The following GLDN variants were observed in gnomAD, a reference collection of about 807,000 sequenced individuals.
GLDN encodes the protein gliomedin.
In GLDN, 47 loss-of-function variants were observed where a neutral mutation model predicts 56.5. The ratio of observed to expected loss-of-function variants is 0.83; its 90% CI spans 0.66 to 1.06. The LOEUF (loss-of-function observed/expected upper bound fraction) is 1.06. Among genes scored for constraint, GLDN ranks in the 50% least tolerant of loss-of-function variants. The probability of loss-of-function intolerance (pLI) is 0.00; values close to 1 mark genes in which losing one functional copy is unlikely to be tolerated. For synonymous variants in GLDN, 332 were observed against 278.8 expected, an observed-to-expected ratio of 1.19 and a Z score of -1.90; for missense variants, 782 against 714.3, an observed-to-expected ratio of 1.09 and a Z score of -1.08.
chr15:51,367,767 G>C lies in GLDN; in HGVS notation c.364-9682G>C, dbSNP rs750432164. Among the ~76,000 whole-genome samples the C allele has an allele frequency of 1.2e-3, 177 of 152,138 alleles. 2 individuals carry two copies. Among genetic ancestry groups the C allele is most frequent in the Non-Finnish European group, 2.1e-3 (145 of 68,006 alleles). On this transcript the variant is annotated intron_variant, in intron 1 of 9. Coordinates refer to ENST00000335449, the MANE Select transcript of GLDN (RefSeq NM_181789.4). Reference sequence around the variant, plus strand: ...GCCTCCTTTACATATCAGCACCCCAGTGTCAGCCTGGCTGACCCAGCCCAG... The same window carrying C: ...GCCTCCTTTACATATCAGCACCCCACTGTCAGCCTGGCTGACCCAGCCCAG...
downstream of GLDN, among the ~76,000 whole-genome samples, chr15:51,410,012 C>A (rs1182863099): frequency 1.3e-5 from 2 of 152,218 alleles, no homozygotes; most frequent in Admixed American, 1.3e-4. Context: ...GGAGCAGATA[C>A]ACACGCCCAA....
At chr15:51,376,139 C>T (rs1004579344) in intron 1 of GLDN, among the ~76,000 whole-genome samples, 4 of 152,100 alleles carry the variant, frequency 2.6e-5, no homozygotes, top group African/African-American at 4.8e-5. Context: ...CTAAGAAATA[C>T]GTCATTAGGC....
At chr15:51,388,192 C>T (rs567697856) in intron 4 of GLDN, among the ~76,000 whole-genome samples, 9 of 152,314 alleles carry the variant, frequency 5.9e-5, no homozygotes, top group African/African-American at 2.2e-4. Flanking sequence ...TCTGTCACAT[C>T]CCCTGCTCTT....
chr15:51,343,503 A>G (rs1380129884), intron 1 of GLDN, among the ~76,000 whole-genome samples: 1 of 152,194 alleles, frequency 6.6e-6, no homozygotes, highest in Non-Finnish European at 1.5e-5. Context: ...AAGCTTTCGT[A>G]TCCGAATTGC....
chr15:51,385,471 A>C (rs997701421), intron 4 of GLDN: 1 of 152,260 alleles, frequency 6.6e-6, no homozygotes, highest in Non-Finnish European at 1.5e-5. Context: ...CTGGAGATTC[A>C]GAAATAAGCC....
rs766229043 is a variant in GLDN at position 51,397,606 on chromosome 15, C to T, written c.817+8C>T. The T allele has an allele frequency of 6.3e-7, 1 of 1,577,108 alleles. No homozygotes were observed. Among genetic ancestry groups the T allele is most frequent in the African/African-American group, 1.4e-5 (1 of 73,600 alleles). On this transcript the variant is annotated splice_region_variant and intron_variant, in intron 6 of 9. Coordinates refer to ENST00000335449, the MANE Select transcript of GLDN (RefSeq NM_181789.4). Reference sequence around the variant, plus strand: ...TCAACGGCCAGTGCCCAGGTCACCACCTCTCCCCTACGGGGCCCACCTCTT... The same window carrying T: ...TCAACGGCCAGTGCCCAGGTCACCATCTCTCCCCTACGGGGCCCACCTCTT...
At chr15:51,350,934 A>C (rs1398803022) in intron 1 of GLDN, among the ~76,000 whole-genome samples, 1 of 152,210 alleles carries the variant, frequency 6.6e-6, no homozygotes. Context: ...TATGCAAAGC[A>C]GCAGAGGTGA....
At chr15:51,377,909 G>C (rs902902123) in intron 2 of GLDN, among the ~76,000 whole-genome samples, 2 of 152,310 alleles carry the variant, frequency 1.3e-5, no homozygotes, top group Non-Finnish European at 2.9e-5. Context: ...CGGAGTGCTA[G>C]AGCAGTCCCC....
At chr15:51,357,502 T>G (rs1425040067) in intron 1 of GLDN, among the ~76,000 whole-genome samples, 2 of 152,192 alleles carry the variant, frequency 1.3e-5, no homozygotes, top group African/African-American at 4.8e-5. Flanking sequence ...AAGTGACAAG[T>G]GCAGCCATCT....
chr15:51,410,399 C>T (rs1312349303), downstream of GLDN, among the ~76,000 whole-genome samples: 2 of 152,174 alleles, frequency 1.3e-5, no homozygotes, highest in African/African-American at 4.8e-5. Flanking sequence ...CCCAAGGAAG[C>T]GCCTCATCAT....
At chr15:51,390,133 A>G (rs1595832235) in intron 4 of GLDN, among the ~76,000 whole-genome samples, 2 of 152,354 alleles carry the variant, frequency 1.3e-5, no homozygotes, top group South Asian at 2.1e-4. Flanking sequence ...TTTGTGCCAC[A>G]ATTTCCTCAT....
intron 1 of GLDN, among the ~76,000 whole-genome samples, chr15:51,357,469 C>T (rs988235151): frequency 6.6e-6 from 1 of 152,186 alleles, no homozygotes; most frequent in Non-Finnish European, 1.5e-5. Context: ...GAGGAAGACA[C>T]GAGGCACCTG....
At chr15:51,356,300 C>T (rs972693075) in intron 1 of GLDN, among the ~76,000 whole-genome samples, 1 of 152,042 alleles carries the variant, frequency 6.6e-6, no homozygotes, top group Non-Finnish European at 1.5e-5. Context: ...GATGGAGTCA[C>T]TCTGGTTAGA....
At chr15:51,366,794 C>T (rs1279597551) in intron 1 of GLDN, among the ~76,000 whole-genome samples, 1 of 151,966 alleles carries the variant, frequency 6.6e-6, no homozygotes, top group Non-Finnish European at 1.5e-5. Context: ...GACTGTGGTC[C>T]CAGCCACTCA....
At position 51,383,765 on chromosome 15, in the gene GLDN, G is replaced by A. The variant is rs755367451; in HGVS notation, c.434-20G>A. ...TTTTTTTTTTTTGGTTAATGTCCCTGTTTCTGTGTTTTGATGCAGGACCTC... is the reference window on the plus strand; with the variant it reads ...TTTTTTTTTTTTGGTTAATGTCCCTATTTCTGTGTTTTGATGCAGGACCTC... On this transcript the variant is annotated intron_variant, in intron 3 of 9. Transcript: ENST00000335449. 19 of 1,516,516 alleles carry A rather than the reference G, an allele frequency of 1.3e-5. No individual in the cohort carries two copies. The Middle Eastern group carries it at 8.9e-4, about 71-fold the overall frequency. The allele number at this position is 1,516,516 out of a possible 1,614,324, so 93.9% of individuals were successfully genotyped here.
intron 6 of GLDN, among the ~76,000 whole-genome samples, chr15:51,398,487 C>T (rs1202197943): frequency 6.6e-6 from 1 of 152,240 alleles, no homozygotes; most frequent in East Asian, 1.9e-4. Context: ...CGGCCATCTC[C>T]TCAATGGCAC....
intron 1 of GLDN, among the ~76,000 whole-genome samples, chr15:51,355,957 C>G (rs893428678): frequency 1.3e-5 from 2 of 150,428 alleles, no homozygotes; most frequent in African/African-American, 4.9e-5. Context: ...CCTGTAATCC[C>G]AACACTTTGG....
At position 51,404,850 on chromosome 15, in the gene GLDN, T is replaced by C; in HGVS notation, c.*96T>C. 1 of 695,838 alleles carries C rather than the reference T, an allele frequency of 1.4e-6. No homozygotes were observed. Among genetic ancestry groups the C allele is most frequent in the Non-Finnish European group, 2.5e-6 (1 of 394,714 alleles). The allele number at this position is 695,838 out of a possible 1,614,324, so 43.1% of individuals were successfully genotyped here. On this transcript the variant is annotated 3_prime_UTR_variant, in exon 10 of 10. Transcript: ENST00000335449. ...TTGTTTTTTTAACGTCAGCCAGATA[T>C]TTAGAAAATAACCTCAAAAGTGTTT...
chr15:51,410,608 T>C (rs1055430634), downstream of GLDN, among the ~76,000 whole-genome samples: 1 of 152,196 alleles, frequency 6.6e-6, no homozygotes, highest in Non-Finnish European at 1.5e-5. Flanking sequence ...CTCTTCTTAA[T>C]GACATCATGC....
Sources: allele counts gnomAD v4.1 joint callset (sites outside exome capture counted in the v4.1 genomes callset), GRCh38; gene constraint gnomAD v4.1.1; transcripts MANE v1.5; gene names NCBI Gene and HGNC (gene_info 2026-07-23, HGNC 2026-07-21).